FAAH2: variants seen among roughly 807,000 people sequenced by gnomAD.
FAAH2 encodes the protein fatty acid amide hydrolase 2.
Under a neutral mutation model 36.9 loss-of-function variants are expected in FAAH2, and 60 were observed. The ratio of observed to expected loss-of-function variants is 1.63; its 90% confidence interval spans 1.32 to 2.02. The LOEUF is 2.02. Among genes scored for constraint, FAAH2 ranks in the 30% most tolerant of loss-of-function variants. The pLI, the probability that FAAH2 is intolerant of heterozygous loss-of-function variation, is 0.00. For synonymous variants in FAAH2, 214 were observed against 143.8 expected (o/e 1.49, Z -3.49); for missense variants, 689 against 397.5 (o/e 1.73, Z -6.23).
intron 7 of FAAH2, among the ~76,000 whole-genome samples, chrX:57,423,358 G>T (rs2056083282): frequency 9.0e-6 from 1 of 111,508 alleles, no homozygotes; most frequent in South Asian, 3.8e-4. Flanking sequence ...TGCAGAAATT[G>T]GGAGCTCTTC....
the FAAH2 span, among the ~76,000 whole-genome samples, chrX:57,221,390 C>A: frequency 9.0e-6 from 1 of 111,215 alleles, no homozygotes; most frequent in African/African-American, 3.3e-5. Flanking sequence ...TCCACACCCT[C>A]AGTCGCAGGA....
chrX:57,366,225 T>C (rs767094277), intron 5 of FAAH2, among the ~76,000 whole-genome samples: 14 of 111,730 alleles, frequency 1.3e-4, no homozygotes, highest in Non-Finnish European at 2.1e-4. Flanking sequence ...GCTTTTGCTT[T>C]TTTCTTTCTT....
Position 57,466,909 on chromosome X carries a change from C to A in FAAH2, c.1423+18191C>A, listed in dbSNP as rs1031642707. On this transcript the variant is annotated intron_variant, in intron 10 of 10. Coordinates refer to ENST00000374900, the MANE Select transcript of FAAH2 (RefSeq NM_174912.4). ...ATGCAAGATGCCTATGAGCCCTAAT[C>A]ACATACACAGACCATGCTGAATCTT... Among the ~76,000 whole-genome samples, 15 of 111,165 alleles carry A rather than the reference C, an allele frequency of 1.3e-4. 1 individual carries two copies. Among genetic ancestry groups the A allele is most frequent in the Non-Finnish European group, 2.6e-4 (14 of 53,069 alleles).
At chrX:57,157,143 T>C in the FAAH2 span, among the ~76,000 whole-genome samples, 1 of 111,636 alleles carries the variant, frequency 9.0e-6, no homozygotes, top group Non-Finnish European at 1.9e-5. Flanking sequence ...CCTTGTACTT[T>C]TATTTCTCCT....
At chrX:57,189,997 G>A in the FAAH2 span, among the ~76,000 whole-genome samples, 11 of 111,959 alleles carry the variant, frequency 9.8e-5, no homozygotes, top group South Asian at 3.8e-4. Context: ...CTGAAGCCGC[G>A]CCCACAGCTG....
In FAAH2 at chrX:57,433,376, T is replaced by C. The variant is rs185017962; in HGVS notation, c.1116+1339T>C. Among the ~76,000 whole-genome samples, 607 of 111,749 alleles carry C rather than the reference T, an allele frequency of 5.4e-3. 4 individuals carry two copies. Among genetic ancestry groups the C allele is most frequent in the African/African-American group, 0.019 (574 of 30,820 alleles). On this transcript the variant is annotated intron_variant, in intron 8 of 10. Coordinates refer to ENST00000374900, the MANE Select transcript of FAAH2 (RefSeq NM_174912.4). ...CATAACCACTTTACCATGTTGCTCA[T>C]TAATAATCACTTAAAATAGGTAGAA...
intron 7 of FAAH2, among the ~76,000 whole-genome samples, chrX:57,388,706 T>A (rs1448164418): frequency 3.6e-5 from 4 of 111,383 alleles, no homozygotes; most frequent in Non-Finnish European, 7.6e-5. Flanking sequence ...CATTACAATA[T>A]CATACAGAAT....
chrX:57,438,946 G>A (rs113539914), intron 8 of FAAH2, among the ~76,000 whole-genome samples: 2 of 110,320 alleles, frequency 1.8e-5, no homozygotes, highest in Non-Finnish European at 3.8e-5. Flanking sequence ...ATTTTTTATG[G>A]CTGCATAGTA....
intron 6 of FAAH2, among the ~76,000 whole-genome samples, chrX:57,379,116 C>A (rs2054767147): frequency 8.9e-6 from 1 of 111,793 alleles, no homozygotes; most frequent in South Asian, 3.7e-4. Flanking sequence ...ACATCTGTCA[C>A]CATATACATA....
At chrX:57,393,130 G>T (rs878988898) in intron 7 of FAAH2, 17 of 1,044,192 alleles carry the variant, frequency 1.6e-5, no homozygotes, top group Admixed American at 2.2e-5. Context: ...CTCTGGAAAG[G>T]CAGCCGATGA....
chrX:57,465,085 T>C (rs2057026354), intron 10 of FAAH2, among the ~76,000 whole-genome samples: 1 of 111,741 alleles, frequency 8.9e-6, no homozygotes, highest in African/African-American at 3.2e-5. Context: ...AATTTTGAAG[T>C]TGAAAATTAA....
the FAAH2 span, among the ~76,000 whole-genome samples, chrX:57,188,613 C>T: frequency 9.1e-6 from 1 of 110,344 alleles, no homozygotes; most frequent in Non-Finnish European, 1.9e-5. Context: ...GTTTTGTTTG[C>T]TGTTGCTCCT....
the FAAH2 span, among the ~76,000 whole-genome samples, chrX:57,246,487 C>A: frequency 9.0e-6 from 1 of 111,653 alleles, no homozygotes; most frequent in Non-Finnish European, 1.9e-5. Flanking sequence ...TACTAGCAAG[C>A]CAAATCCAGC....
rs78804919 is a variant in FAAH2 at position 57,425,041 on chromosome X, C to CAA, written c.997-6871_997-6870dup. ...TACCAAAAAGATAGATATTAAAAAA[C>CAA]AAAAAAATCTGAAAATAAAAAATTA... On this transcript the variant is annotated intron_variant, in intron 7 of 10. Coordinates refer to ENST00000374900, the MANE Select transcript of FAAH2 (RefSeq NM_174912.4). Among the ~76,000 whole-genome samples the CAA allele has an allele frequency of 2.4e-3, 261 of 109,254 alleles. 1 individual carries two copies. Among genetic ancestry groups the CAA allele is most frequent in the African/African-American group, 5.9e-3 (180 of 30,387 alleles). The allele number at this position is 109,254 out of a possible 115,157, so 94.9% of individuals were successfully genotyped here. A position where few individuals can be genotyped will look rare whatever the true frequency, so the allele number is the denominator to read the frequency against.
the FAAH2 span, among the ~76,000 whole-genome samples, chrX:57,275,775 A>G: frequency 0.016 from 1,763 of 111,827 alleles, 17 homozygotes; most frequent in Middle Eastern, 0.041. Context: ...TTGCAATGCT[A>G]GTCTCTGATA....
chrX:57,316,196 A>G (rs2052833280), intron 3 of FAAH2, among the ~76,000 whole-genome samples: 1 of 111,538 alleles, frequency 9.0e-6, no homozygotes, highest in Admixed American at 9.6e-5. Flanking sequence ...TCTCTACGAG[A>G]ACTGCAGAAC....
chrX:57,122,761 G>A, the FAAH2 span, among the ~76,000 whole-genome samples: 1 of 111,848 alleles, frequency 8.9e-6, no homozygotes, highest in African/African-American at 3.2e-5. Context: ...GAGGGGATGA[G>A]TCGGATGTTA....
At chrX:57,276,289 AC>A in the FAAH2 span, among the ~76,000 whole-genome samples, 3 of 112,228 alleles carry the variant, frequency 2.7e-5, no homozygotes, top group South Asian at 1.1e-3. Context: ...CCACACAACT[AC>A]ATGGAAACTG....
At chrX:57,392,988 A>T in intron 7 of FAAH2, 1 of 928,615 alleles carries the variant, frequency 1.1e-6, no homozygotes, top group African/African-American at 1.9e-5. Flanking sequence ...CTCAACTGGG[A>T]GCTTGAGGTC....
Sources: allele counts gnomAD v4.1 joint callset (sites outside exome capture counted in the v4.1 genomes callset), GRCh38; gene constraint gnomAD v4.1.1; transcripts MANE v1.5; gene names NCBI Gene and HGNC (gene_info 2026-07-23, HGNC 2026-07-21).